TGM1: variants seen among roughly 807,000 people sequenced by gnomAD.
The protein encoded by TGM1 is transglutaminase 1, also known as protein-glutamine gamma-glutamyltransferase K.
A neutral mutation model predicts 88.7 loss-of-function variants in TGM1; 63 were observed. The observed-to-expected ratio is 0.71, with a 90% CI of 0.58 to 0.88. The LOEUF is 0.88. Ranked by LOEUF, TGM1 falls within the 40% of genes least tolerant of loss-of-function variation. The pLI is 0.00. For missense variants in TGM1, 996 were observed against 1,118.0 expected, an observed-to-expected ratio of 0.89 and a Z score of 1.56; for synonymous variants, 415 against 431.1, an observed-to-expected ratio of 0.96 and a Z score of 0.46.
At position 24,255,321 on chromosome 14, in the gene TGM1, C is replaced by T; in HGVS notation, c.1645+43G>A. On this transcript the variant is annotated intron_variant, in intron 11 of 14. Coordinates refer to ENST00000206765, the MANE Select transcript of TGM1 (RefSeq NM_000359.3). This position sits in a 1 kb window ranked among gnomAD's most constrained non-coding sequence, Gnocchi z 4.0. ...GGTGGCCAAGCACTTGGCAGGAACA[C>T]TTGTTGTGGGGCCCAGAGCTGGCTG... 1 of 1,614,210 alleles carries T rather than the reference C, an allele frequency of 6.2e-7. No homozygotes were observed. Among genetic ancestry groups the T allele is most frequent in the Non-Finnish European group, 8.5e-7 (1 of 1,180,030 alleles).
At position 24,255,272 on chromosome 14, in the gene TGM1, G is replaced by A. The variant is rs202145522; in HGVS notation, c.1646-19C>T. On this transcript the variant is annotated intron_variant, in intron 11 of 14. Coordinates refer to ENST00000206765, the MANE Select transcript of TGM1 (RefSeq NM_000359.3). The surrounding 1 kb of genome is among the most constrained non-coding windows in gnomAD (Gnocchi z 4.0). Reference sequence around the variant, plus strand: ...TCTGAGCCTGGGGGTTGAGGGTCAAGGGTGAGGTTCCAATTCCCACGTGGG... The same window carrying A: ...TCTGAGCCTGGGGGTTGAGGGTCAAAGGTGAGGTTCCAATTCCCACGTGGG... 6.2e-7 allele frequency: 1 copy of A among 1,614,030 alleles called. No homozygotes were observed.
At position 24,259,330 on chromosome 14, in the gene TGM1, C is replaced by T. The variant is rs1156619070; in HGVS notation, c.985-81G>A. 2 of 1,408,442 alleles carry T rather than the reference C, an allele frequency of 1.4e-6. No individual in the cohort carries two copies. The highest frequency in any genetic ancestry group is 1.2e-5 in the South Asian group (1 of 81,354). The allele number at this position is 1,408,442 out of a possible 1,614,324, so 87.2% of individuals were successfully genotyped here. ...ATGTGGTCCATGGGGACCAGCCGGG[C>T]CCCGATCCTGCAACCACCCCTTACC... On this transcript the variant is annotated intron_variant, in intron 6 of 14. Transcript: ENST00000206765. This position sits in a 1 kb window ranked among gnomAD's most constrained non-coding sequence, Gnocchi z 5.7.
chr14:24,260,555 C>G lies in TGM1; in HGVS notation c.652G>C (p.Gly218Arg). Residue 218 changes from glycine to arginine, a missense_variant, in exon 4 of 15, where the codon GGC (glycine) becomes CGC (arginine). Coordinates refer to ENST00000206765, the MANE Select transcript of TGM1 (RefSeq NM_000359.3). ...GTGCGGACTGTGAACTGAAACTTGC[C>G]GATGATGGCGTTGGGGGAAGTGTGG... ...RVHTSPNAII[G>R]KFQFTVRTQS... is the part of the protein sequence containing the mutation. 1.9e-6 allele frequency: 3 copies of G among 1,614,200 alleles called. No individual in the cohort carries two copies. Among genetic ancestry groups the G allele is most frequent in the Non-Finnish European group, 2.5e-6 (3 of 1,180,040 alleles).
At position 24,256,030 on chromosome 14, in the gene TGM1, G is replaced by C; in HGVS notation, c.1450C>G (p.Leu484Val). ...GGCGTGTCGTACTTCATGTAGACCA[G>C]GCCATTCTTGATGGACTCCACAGAG... ...PCSVESIKNG[L>V]VYMKYDTPFI... The change falls in exon 10 of 15, where the codon CTG (leucine) becomes GTG (valine). Residue 484 changes from leucine (L) to valine (V), a missense_variant. By Grantham distance (32) the Leu-to-Val change is conservative. Coordinates refer to ENST00000206765, the MANE Select transcript of TGM1 (RefSeq NM_000359.3). The C allele has an allele frequency of 6.4e-7, 1 of 1,571,338 alleles. No homozygotes were observed. Among genetic ancestry groups the C allele is most frequent in the Non-Finnish European group, 8.6e-7 (1 of 1,156,862 alleles).
chr14:24,258,230 A>C, intron 9 of TGM1, 55 bp downstream of exon 9: 1 of 1,445,264 alleles, frequency 6.9e-7, no homozygotes, highest in Non-Finnish European at 9.7e-7. Context: ...GGACTGTGTT[A>C]ATCAGGTGGG....
At chr14:24,250,179 T>TGTGTGAGAGA (rs138497842) in intron 14 of TGM1, among the ~76,000 whole-genome samples, 23,936 of 140,534 alleles carry the variant, frequency 0.17, 2,180 homozygotes, top group African/African-American at 0.21. Flanking sequence ...TGTGTGTGTG[T>TGTGTGAGAGA]GAGAGAGACA....
chr14:24,254,005 G>A (rs992991025), intron 14 of TGM1, 147 bp downstream of exon 14: 2 of 1,089,816 alleles, frequency 1.8e-6, no homozygotes, highest in African/African-American at 3.1e-5. Context: ...GCTGGGCCGG[G>A]AGGTATTGCT....
rs747631979 is a variant in TGM1, at chr14:24,259,822, G to T, written c.877-11C>A. The T allele has an allele frequency of 1.2e-6, 2 of 1,612,636 alleles. No individual in the cohort carries two copies. Among genetic ancestry groups the T allele is most frequent in the Admixed American group, 1.7e-5 (1 of 59,968 alleles). ...CACCCCGTGGTCAAACTGGAAGGAG[G>T]GATGGAGGGCAGAGGTGACAGCCTG... On this transcript the variant is annotated splice_polypyrimidine_tract_variant and intron_variant, in intron 5 of 14. Coordinates refer to ENST00000206765, the MANE Select transcript of TGM1 (RefSeq NM_000359.3). This position sits in a 1 kb window ranked among gnomAD's most constrained non-coding sequence, Gnocchi z 5.7.
chr14:24,258,926 C>T, intron 7 of TGM1, 149 bp downstream of exon 7: 3 of 975,248 alleles, frequency 3.1e-6, no homozygotes, highest in South Asian at 1.5e-5. Flanking sequence ...CTGTTGTTAA[C>T]ACTAATTAAT....
Position 24,261,711 on chromosome 14 carries a change from G to T in TGM1, c.492C>A (p.Thr164=), listed in dbSNP as rs541307680. 5.3e-5 allele frequency: 86 copies of T among 1,614,108 alleles called. 1 individual carries two copies. The South Asian group carries it at 8.6e-4, about 16-fold the overall frequency. ...SRTYESSDRI[T]LELLIGNNPE... ...CCCACTGACCGATGAGTAACTCAAG[G>T]GTGATGCGATCAGAGGATTCATAGG... is the stretch of plus-strand genomic sequence containing the variant. The change falls in exon 3 of 15, where the codon ACC becomes ACA. Residue 164 remains threonine, a synonymous_variant. Coordinates refer to ENST00000206765, the MANE Select transcript of TGM1 (RefSeq NM_000359.3).
In TGM1 at chr14:24,259,631, CAGG is replaced by C. The variant is rs2040788349; in HGVS notation, c.984+70_984+72del. On this transcript the variant is annotated intron_variant, in intron 6 of 14. Transcript: ENST00000206765. The surrounding 1 kb of genome is among the most constrained non-coding windows in gnomAD (Gnocchi z 5.7). ...GGGTTCTTGAGGAATCCAGAAAGGG[CAGG>C]AGGAGGGTGGGGGTGTGGCGAGGCA... 7.8e-7 allele frequency: 1 copy of C among 1,280,258 alleles called. No individual in the cohort carries two copies. Among genetic ancestry groups the C allele is most frequent in the Admixed American group, 1.9e-5 (1 of 51,722 alleles). The allele number at this position is 1,280,258 out of a possible 1,614,324, so 79.3% of individuals were successfully genotyped here. A position where few individuals can be genotyped will look rare whatever the true frequency, so the allele number is the denominator to read the frequency against.
At chr14:24,261,456 G>T (rs928087987) in intron 3 of TGM1, among the ~76,000 whole-genome samples, 16 of 152,162 alleles carry the variant, frequency 1.1e-4, no homozygotes, top group Non-Finnish European at 1.9e-4. Context: ...GCCCTGAAGA[G>T]GAGTACTCTG....
At chr14:24,252,203 A>G (rs1183415819) in intron 14 of TGM1, among the ~76,000 whole-genome samples, 2 of 152,190 alleles carry the variant, frequency 1.3e-5, no homozygotes, top group Admixed American at 6.5e-5. Flanking sequence ...GAGGCTCCCA[A>G]TTGTACTGGA....
In TGM1 at chr14:24,262,181, C is replaced by G. The variant is rs139569235; in HGVS notation, c.172G>C (p.Asp58His). Reference sequence around the variant, plus strand: ...GAGGGTTCAGGTCCCCAGTCGTCATCTGCCGCATTTCGGCATGAACAGCAG... The same window carrying G: ...GAGGGTTCAGGTCCCCAGTCGTCATGTGCCGCATTTCGGCATGAACAGCAG... ...CGCCSCRNAADDDWGPEPSDS... is the reference protein window; with the variant it reads ...CGCCSCRNAAHDDWGPEPSDS... Residue 58 changes from aspartate (D) to histidine (H), a missense_variant, in exon 2 of 15, where the codon GAT becomes CAT. Asp to His is a moderately conservative substitution (Grantham distance 81). Coordinates refer to ENST00000206765, the MANE Select transcript of TGM1 (RefSeq NM_000359.3). The G allele has an allele frequency of 5.0e-6, 8 of 1,613,628 alleles. No individual in the cohort carries two copies. The Admixed American group carries it at 1.2e-4, about 24-fold the overall frequency.
chr14:24,252,361 C>T (rs1379745462), intron 14 of TGM1, among the ~76,000 whole-genome samples: 1 of 152,254 alleles, frequency 6.6e-6, no homozygotes, highest in Non-Finnish European at 1.5e-5. Context: ...TCCCCCAACA[C>T]TCAGCACAGT....
intron 1 of TGM1, among the ~76,000 whole-genome samples, 194 bp from the exon 2 acceptor site, chr14:24,262,548 C>A (rs1410982323): frequency 2.0e-5 from 3 of 152,246 alleles, no homozygotes; most frequent in Non-Finnish European, 4.4e-5. Context: ...GCTTCTCATG[C>A]TGCAGAGAAA....
At chr14:24,256,368 C>T (rs563448201) in intron 9 of TGM1, among the ~76,000 whole-genome samples, 11 of 152,346 alleles carry the variant, frequency 7.2e-5, no homozygotes, top group African/African-American at 2.2e-4. Context: ...TACAGATGTG[C>T]GGACCAGCCT....
chr14:24,249,942 A>G (rs962772139), intron 14 of TGM1, among the ~76,000 whole-genome samples: 1 of 152,202 alleles, frequency 6.6e-6, no homozygotes, highest in African/African-American at 2.4e-5. Flanking sequence ...TTGGGGGCCC[A>G]ACACAATATT....
chr14:24,252,181 G>A (rs2040706181), intron 14 of TGM1, among the ~76,000 whole-genome samples: 1 of 152,218 alleles, frequency 6.6e-6, no homozygotes. Flanking sequence ...ACAGCTCAGA[G>A]ATGTCCCCCT....
Sources: gnomAD v4.1 joint callset for allele counts (sites outside exome capture counted in the v4.1 genomes callset) on GRCh38, gnomAD v4.1.1 for gene constraint, Gnocchi (gnomAD v3.1) non-coding constraint, MANE v1.5 for transcripts, NCBI Gene and HGNC (gene_info 2026-07-23, HGNC 2026-07-21) for gene names.